Variants in MBNL3 observed in about 807,000 individuals in gnomAD.
The protein encoded by MBNL3 is muscleblind like splicing regulator 3, also known as muscleblind-like protein 3.
Under a neutral mutation model 24.5 loss-of-function variants are expected in MBNL3, and 6 were observed. The ratio of observed to expected loss-of-function variants is 0.25; its 90% confidence interval spans 0.13 to 0.48. The LOEUF (loss-of-function observed/expected upper bound fraction) is 0.48, where lower values mean the gene tolerates loss of function less well. Ranked by LOEUF, MBNL3 falls within the 20% of genes least tolerant of loss-of-function variation. The pLI is 0.99. For synonymous variants in MBNL3, 100 were observed against 101.7 expected (o/e 0.98, Z 0.10); for missense variants, 230 against 293.5 (o/e 0.78, Z 1.58).
intron 1 of MBNL3, among the ~76,000 whole-genome samples, chrX:132,453,199 A>G (rs1946197506): frequency 1.8e-5 from 2 of 111,238 alleles, no homozygotes; most frequent in Admixed American, 9.5e-5. Context: ...AGGAGTATAT[A>G]TTTGTTATAG....
intron 1 of MBNL3, among the ~76,000 whole-genome samples, chrX:132,487,118 C>A (rs1441753673): frequency 9.0e-6 from 1 of 111,374 alleles, no homozygotes; most frequent in Non-Finnish European, 1.9e-5. Context: ...TCTATTCTGG[C>A]CTCAAGGTTT....
intron 1 of MBNL3, among the ~76,000 whole-genome samples, chrX:132,470,791 T>A (rs1344844159): frequency 2.7e-5 from 3 of 111,777 alleles, no homozygotes; most frequent in African/African-American, 9.8e-5. Flanking sequence ...TTCCAGATGT[T>A]TACTTCATTC....
chrX:132,489,571 G>A (rs1434326696), upstream of MBNL3, among the ~76,000 whole-genome samples: 2 of 111,810 alleles, frequency 1.8e-5, no homozygotes, highest in African/African-American at 6.5e-5. Flanking sequence ...GCGCAGCCCC[G>A]CCGACCCCAG....
At position 132,439,506 on chromosome X, in the gene MBNL3, T is replaced by C. The variant is rs1945294548; in HGVS notation, c.106A>G (p.Lys36Glu). ...CAAACTCTTGGTGGATGGGCAAACT[T>C]GCAATCTGCATCAGCTCGAGAGCAA... ...GTCSRADADC[K>E]FAHPPRVCHV... Residue 36 changes from lysine (K) to glutamate (E), a missense_variant, in exon 2 of 9, where the codon AAG becomes GAG. Transcript: ENST00000370853. The C allele has an allele frequency of 8.3e-7, 1 of 1,209,280 alleles. No individual in the cohort carries two copies. Among genetic ancestry groups the C allele is most frequent in the Admixed American group, 2.2e-5 (1 of 45,763 alleles).
intron 5 of MBNL3, 123 bp downstream of exon 5, chrX:132,390,724 T>A: frequency 1.9e-6 from 1 of 514,661 alleles, no homozygotes; most frequent in Non-Finnish European, 3.3e-6. Flanking sequence ...CTTATAACCT[T>A]GACTGTTCAT....
chrX:132,442,694 AAG>A (rs1389029347), intron 1 of MBNL3, among the ~76,000 whole-genome samples: 4 of 113,085 alleles, frequency 3.5e-5, no homozygotes, highest in African/African-American at 1.3e-4. Context: ...AACTGCAAAA[AAG>A]AATTGGCTTC....
chrX:132,408,003 C>T (rs1250331168), intron 2 of MBNL3, among the ~76,000 whole-genome samples: 3 of 102,849 alleles, frequency 2.9e-5, no homozygotes, highest in African/African-American at 1.1e-4. Flanking sequence ...CCTGGAGAGA[C>T]TAAGTTGTTT....
intron 3 of MBNL3, among the ~76,000 whole-genome samples, chrX:132,405,378 A>G (rs1213944740): frequency 9.0e-6 from 1 of 111,030 alleles, no homozygotes; most frequent in Non-Finnish European, 1.9e-5. Flanking sequence ...ATTAATAGAA[A>G]ACCTGGGGAA....
chrX:132,420,302 C>A (rs1943679916), intron 2 of MBNL3, among the ~76,000 whole-genome samples: 1 of 111,972 alleles, frequency 8.9e-6, no homozygotes, highest in African/African-American at 3.2e-5. Context: ...GCAGCAGACA[C>A]CCTGCCGGAT....
At chrX:132,404,387 T>C (rs1472745322) in intron 3 of MBNL3, among the ~76,000 whole-genome samples, 1 of 112,100 alleles carries the variant, frequency 8.9e-6, no homozygotes, top group African/African-American at 3.2e-5. Context: ...TTATCTTCCC[T>C]CTGCCCTTAG....
At chrX:132,454,248 T>TAC (rs757255246) in intron 1 of MBNL3, among the ~76,000 whole-genome samples, 6,134 of 107,935 alleles carry the variant, frequency 0.057, 199 homozygotes, top group Non-Finnish European at 0.091. Flanking sequence ...CACACACACA[T>TAC]ACACACACAC....
chrX:132,457,320 G>A (rs1395583091), intron 1 of MBNL3, among the ~76,000 whole-genome samples: 1 of 111,521 alleles, frequency 9.0e-6, no homozygotes, highest in Non-Finnish European at 1.9e-5. Context: ...AAACAAGCAA[G>A]CAAGTCTGTA....
At chrX:132,428,400 A>G (rs1316663190) in intron 2 of MBNL3, among the ~76,000 whole-genome samples, 1 of 110,566 alleles carries the variant, frequency 9.0e-6, no homozygotes, top group Non-Finnish European at 1.9e-5. Context: ...TGTGAGATAA[A>G]CTTGTAATGA....
chrX:132,489,097 C>A (rs1948160097), upstream of MBNL3: 1 of 113,679 alleles, frequency 8.8e-6, no homozygotes, highest in African/African-American at 3.2e-5. Context: ...TCCAGAACTT[C>A]AGGGCTGGGA....
In MBNL3 at chrX:132,406,356, G is replaced by A. The variant is rs973627447; in HGVS notation, c.214C>T (p.Pro72Ser). Residue 72 changes from proline to serine, a missense_variant, in exon 3 of 9, where the codon CCT becomes TCT. Transcript: ENST00000370853. ...AGCTGCGTTTTTAAGTGTGGAGGAG[G>A]GTGAAGGTACTTGCAGTTCTCTCGG... is the stretch of plus-strand genomic sequence containing the variant. ...CTRENCKYLH[P>S]PPHLKTQLEI... 6 of 1,205,692 alleles carry A rather than the reference G, an allele frequency of 5.0e-6. No individual in the cohort carries two copies. Among genetic ancestry groups the A allele is most frequent in the Non-Finnish European group, 6.7e-6 (6 of 892,435 alleles).
intron 2 of MBNL3, among the ~76,000 whole-genome samples, chrX:132,420,257 G>A (rs1364848747): frequency 1.8e-5 from 2 of 112,133 alleles, no homozygotes; most frequent in African/African-American, 3.2e-5. Flanking sequence ...TAGCCCGATC[G>A]GGAGCGGCAA....
intron 8 of MBNL3, chrX:132,381,438 G>C: frequency 9.1e-7 from 1 of 1,096,313 alleles, no homozygotes; most frequent in Non-Finnish European, 1.2e-6. Context: ...GGTATCTATA[G>C]TAGTAAAAAA....
chrX:132,445,897 C>T (rs998881568), intron 1 of MBNL3, among the ~76,000 whole-genome samples: 1 of 111,215 alleles, frequency 9.0e-6, no homozygotes, highest in African/African-American at 3.3e-5. Flanking sequence ...CTGCACCCAT[C>T]AACCCATCAT....
At chrX:132,484,447 T>C (rs1027615437) in intron 1 of MBNL3, among the ~76,000 whole-genome samples, 6 of 112,163 alleles carry the variant, frequency 5.3e-5, no homozygotes, top group Non-Finnish European at 5.6e-5. Context: ...GAATAGTTAC[T>C]GGTACATTCA....
Sources: gnomAD v4.1 joint callset for allele counts (sites outside exome capture counted in the v4.1 genomes callset) on GRCh38, gnomAD v4.1.1 for gene constraint, MANE v1.5 for transcripts, NCBI Gene and HGNC (gene_info 2026-07-23, HGNC 2026-07-21) for gene names.